Variants in COL6A6 observed in about 807,000 individuals in gnomAD.
COL6A6 encodes the protein collagen type VI alpha 6 chain.
In COL6A6, 183 loss-of-function variants were observed where a neutral mutation model predicts 208.6. The ratio of observed to expected loss-of-function variants is 0.88; its 90% CI spans 0.78 to 0.99. The LOEUF (loss-of-function observed/expected upper bound fraction) is 0.99. COL6A6 is among the 50% of genes least tolerant of loss of function. The pLI, the probability that COL6A6 is intolerant of heterozygous loss-of-function variation, is 0.00. For synonymous variants in COL6A6, 973 were observed against 1,011.8 expected (o/e 0.96, Z 0.73); for missense variants, 2,816 against 2,815.2 (o/e 1.00, Z -0.01).
In COL6A6 at chr3:130,568,052, A is replaced by C. The variant is rs762492438; in HGVS notation, c.1849A>C (p.Lys617Gln). The C allele has an allele frequency of 6.2e-7, 1 of 1,603,000 alleles. No individual in the cohort carries two copies. The highest frequency in any genetic ancestry group is 1.1e-5 in the South Asian group (1 of 89,282). Residue 617 changes from lysine to glutamine, a missense_variant, in exon 6 of 37, where the codon AAA becomes CAA. Physicochemically the swap from Lys to Gln is moderately conservative, Grantham distance 53. Coordinates refer to ENST00000358511, the MANE Select transcript of COL6A6 (RefSeq NM_001102608.3). ...TCACAGTTTTTCCTATGCAGCTTGCAAAGAGATGAAAGCTGACATCATGTT... is the reference window on the plus strand; with the variant it reads ...TCACAGTTTTTCCTATGCAGCTTGCCAAGAGATGAAAGCTGACATCATGTT... ...VQEICTEEAC[K>Q]EMKADIMFLV...
At chr3:130,670,103 G>GCTGTCCAGGGAAA (rs1421713891) in intron 36 of COL6A6, among the ~76,000 whole-genome samples, 1 of 152,234 alleles carries the variant, frequency 6.6e-6, no homozygotes, top group Non-Finnish European at 1.5e-5. Context: ...TGACAGGTGA[G>GCTGTCCAGGGAAA]CTGTCCAGGG....
chr3:130,545,452 ATT>A (rs58217937), intron 1 of COL6A6, among the ~76,000 whole-genome samples: 100,491 of 134,692 alleles, frequency 0.75, 38,549 homozygotes, highest in Non-Finnish European at 0.85. Flanking sequence ...GCTTTCAGGC[ATT>A]TTTTTTTTTT....
At chr3:130,647,055 TC>T (rs2065481282) in intron 32 of COL6A6, among the ~76,000 whole-genome samples, 1 of 152,170 alleles carries the variant, frequency 6.6e-6, no homozygotes, top group South Asian at 2.1e-4. Context: ...GCCTCCCTGT[TC>T]TTTTTTTCAC....
chr3:130,627,262 A>G (rs2064917699), intron 25 of COL6A6, 57 bp from the exon 26 acceptor site: 4 of 1,521,808 alleles, frequency 2.6e-6, no homozygotes, highest in Non-Finnish European at 2.7e-6. Flanking sequence ...CTCTTGAAGA[A>G]TAAGCCTGTC....
chr3:130,673,892 G>A (rs1229845438), intron 36 of COL6A6, among the ~76,000 whole-genome samples: 1 of 152,066 alleles, frequency 6.6e-6, no homozygotes, highest in Non-Finnish European at 1.5e-5. Flanking sequence ...AGGAGATCTG[G>A]GCTGCAGTAA....
rs1467207145 is a variant in COL6A6, at chr3:130,574,387, A to G, written c.3409A>G (p.Ile1137Val). 1.9e-6 allele frequency: 3 copies of G among 1,613,946 alleles called. No homozygotes were observed. Among genetic ancestry groups the G allele is most frequent in the Non-Finnish European group, 2.5e-6 (3 of 1,179,906 alleles). Reference sequence around the variant, plus strand: ...AGGTATCGACATCTACTCCGTGGGCATTGGGGATGTGGATGACCAGCAGCT... The same window carrying G: ...AGGTATCGACATCTACTCCGTGGGCGTTGGGGATGTGGATGACCAGCAGCT... Reference protein sequence around the residue: ...HRGIDIYSVGIGDVDDQQLIQ... With the variant: ...HRGIDIYSVGVGDVDDQQLIQ... The change falls in exon 8 of 37, where the codon ATT (isoleucine) becomes GTT (valine). Residue 1137 changes from isoleucine (I) to valine (V), a missense_variant. By Grantham distance (29) the Ile-to-Val change is conservative. Coordinates refer to ENST00000358511, the MANE Select transcript of COL6A6 (RefSeq NM_001102608.3).
chr3:130,627,327 T>C lies in COL6A6; in HGVS notation c.4950T>C (p.Asp1650=), dbSNP rs758592230. ...FPGPRGLQGN[D]GSPGYGSVGR... ...AATTGCTCTGTTTACAGGGCAATGA[T>C]GGCAGTCCAGGTTATGGTAGTGTCG... Residue 1650 remains aspartate (D), a synonymous_variant, in exon 26 of 37, where the codon GAT becomes GAC. Coordinates refer to ENST00000358511, the MANE Select transcript of COL6A6 (RefSeq NM_001102608.3). 19 of 1,613,562 alleles carry C rather than the reference T, an allele frequency of 1.2e-5. No individual in the cohort carries two copies. Among genetic ancestry groups the C allele is most frequent in the Middle Eastern group, 3.3e-4 (2 of 6,084 alleles).
intron 1 of COL6A6, among the ~76,000 whole-genome samples, chr3:130,526,626 A>G (rs904041878): frequency 6.6e-6 from 1 of 152,200 alleles, no homozygotes; most frequent in Non-Finnish European, 1.5e-5. Context: ...TGTGGTTTGC[A>G]GCTGGTGCAA....
chr3:130,661,442 A>G (rs553696931), intron 34 of COL6A6, among the ~76,000 whole-genome samples, 195 bp from the exon 35 acceptor site: 1 of 152,318 alleles, frequency 6.6e-6, no homozygotes, highest in Non-Finnish European at 1.5e-5. Context: ...TCCAAGACAC[A>G]AGCTGGGTAT....
intron 26 of COL6A6, among the ~76,000 whole-genome samples, chr3:130,628,659 A>G (rs1168812202): frequency 6.6e-6 from 1 of 152,248 alleles, no homozygotes; most frequent in Non-Finnish European, 1.5e-5. Context: ...AGAGGACCCT[A>G]AAATGAATGA....
intron 1 of COL6A6, among the ~76,000 whole-genome samples, chr3:130,522,010 C>A (rs1044303377): frequency 6.6e-6 from 1 of 152,156 alleles, no homozygotes; most frequent in Non-Finnish European, 1.5e-5. Flanking sequence ...GAATTCTTGT[C>A]CAGGGTCTGC....
chr3:130,624,601 T>C (rs1435681178), intron 24 of COL6A6, among the ~76,000 whole-genome samples: 1 of 152,112 alleles, frequency 6.6e-6, no homozygotes, highest in Non-Finnish European at 1.5e-5. Flanking sequence ...CTGGTAAAAA[T>C]CAAGTTTATC....
chr3:130,568,695 T>G, intron 6 of COL6A6, 91 bp downstream of exon 6: 1 of 1,218,444 alleles, frequency 8.2e-7, no homozygotes, highest in Non-Finnish European at 1.1e-6. Flanking sequence ...ATTTACATAT[T>G]GTAAACTTTT....
At chr3:130,589,223 T>TTTTA in intron 12 of COL6A6, 41 bp downstream of exon 12, 1 of 1,427,896 alleles carries the variant, frequency 7.0e-7, no homozygotes, top group African/African-American at 1.4e-5. Flanking sequence ...TGAGTTGTAG[T>TTTTA]ATGTCCTTCA....
intron 1 of COL6A6, among the ~76,000 whole-genome samples, chr3:130,526,866 C>T (rs78751674): frequency 1.0e-3 from 158 of 152,128 alleles, no homozygotes; most frequent in African/African-American, 3.7e-3. Context: ...GCCTGACTGC[C>T]TACCAGGTGA....
chr3:130,595,090 C>T (rs549290523), intron 18 of COL6A6, among the ~76,000 whole-genome samples: 15 of 152,136 alleles, frequency 9.9e-5, no homozygotes, highest in Non-Finnish European at 2.2e-4. Flanking sequence ...TTCCTGTAAC[C>T]CAGGCCAAGT....
chr3:130,562,899 T>G (rs1001397539), intron 2 of COL6A6, among the ~76,000 whole-genome samples, 169 bp from the exon 3 acceptor site: 1 of 152,250 alleles, frequency 6.6e-6, no homozygotes, highest in African/African-American at 2.4e-5. Flanking sequence ...AAGATACAGC[T>G]ATTTCTTTTT....
chr3:130,626,567 T>G lies in COL6A6; in HGVS notation c.4941+20T>G, dbSNP rs752935576. On this transcript the variant is annotated intron_variant, in intron 25 of 36. Coordinates refer to ENST00000358511, the MANE Select transcript of COL6A6 (RefSeq NM_001102608.3). ...TTGCAGGTTTGTATTTTGACACTAG[T>G]TTTGATCGGATTCTTGGAATCTTTT... is the stretch of plus-strand genomic sequence containing the variant. The G allele has an allele frequency of 6.3e-7, 1 of 1,584,952 alleles. No homozygotes were observed. Among genetic ancestry groups the G allele is most frequent in the Non-Finnish European group, 8.7e-7 (1 of 1,153,536 alleles).
rs190486275 is a variant in COL6A6 at position 130,553,012 on chromosome 3, T to A, written c.-31-7322T>A. Among the ~76,000 whole-genome samples the A allele has an allele frequency of 1.0e-3, 152 of 152,360 alleles. 1 individual carries two copies. The highest frequency in any genetic ancestry group is 3.1e-3 in the African/African-American group (131 of 41,598). On this transcript the variant is annotated intron_variant, in intron 1 of 36. Transcript: ENST00000358511. ...TTTGTAGGGTTTCTGCTGAAACATCTGCTGTTAGCCTGGTGGGTTCCCTTT... is the reference window on the plus strand; with the variant it reads ...TTTGTAGGGTTTCTGCTGAAACATCAGCTGTTAGCCTGGTGGGTTCCCTTT...
Sources: gnomAD v4.1 joint callset for allele counts (sites outside exome capture counted in the v4.1 genomes callset) on GRCh38, gnomAD v4.1.1 for gene constraint, MANE v1.5 for transcripts, NCBI Gene and HGNC (gene_info 2026-07-23, HGNC 2026-07-21) for gene names.